Variants in AVEN observed in about 807,000 individuals in gnomAD.
AVEN encodes the protein apoptosis and caspase activation inhibitor.
AVEN carries 41 observed loss-of-function variants against 38.1 expected under a neutral mutation model. The observed-to-expected ratio is 1.08, with a 90% CI of 0.84 to 1.40. The LOEUF (loss-of-function observed/expected upper bound fraction) is 1.40, where lower values mean the gene tolerates loss of function less well. Ranked by LOEUF, AVEN falls within the 40% of genes most tolerant of loss-of-function variation. AVEN has a pLI of 0.00. For missense variants in AVEN, 605 were observed against 438.8 expected (o/e 1.38, Z -3.38); for synonymous variants, 206 against 171.8 (o/e 1.20, Z -1.56).
intron 1 of AVEN, among the ~76,000 whole-genome samples, chr15:34,029,576 G>A (rs1898672932): frequency 1.3e-5 from 2 of 149,942 alleles, no homozygotes; most frequent in Admixed American, 1.3e-4. Context: ...TTTAGGAGTT[G>A]TTTACATATT....
rs1266325296 is a variant in AVEN, at chr15:34,038,993, G to C, written c.54C>G (p.Gly18=). 2 of 1,117,870 alleles carry C rather than the reference G, an allele frequency of 1.8e-6. No homozygotes were observed. Among genetic ancestry groups the C allele is most frequent in the East Asian group, 5.8e-5 (1 of 17,368 alleles). The allele number at this position is 1,117,870 out of a possible 1,614,324, so 69.2% of individuals were successfully genotyped here. The change falls in exon 1 of 6, where the codon GGC becomes GGG. Residue 18 remains glycine, a synonymous_variant. Transcript: ENST00000306730. ...RGGRGRRPGR[G]RPGGDRHSER... ...CGCTGTGGCGATCTCCGCCAGGCCG[G>C]CCGCGGCCTGGCCGCCGCCCACGGC...
chr15:33,932,853 A>ATAAATAAATAAAT (rs1893902407), intron 2 of AVEN, among the ~76,000 whole-genome samples: 1 of 151,694 alleles, frequency 6.6e-6, no homozygotes, highest in Non-Finnish European at 1.5e-5. Flanking sequence ...AAATAAATAA[A>ATAAATAAATAAAT]TAAATAAATA....
intron 1 of AVEN, among the ~76,000 whole-genome samples, chr15:34,008,633 C>T (rs905985845): frequency 6.7e-6 from 1 of 148,532 alleles, no homozygotes; most frequent in Non-Finnish European, 1.5e-5. Flanking sequence ...GGACCACAGG[C>T]GTGTGCCACC....
At chr15:33,927,369 GAAATGA>G (rs1427952155) in intron 2 of AVEN, among the ~76,000 whole-genome samples, 1 of 152,004 alleles carries the variant, frequency 6.6e-6, no homozygotes, top group Non-Finnish European at 1.5e-5. Flanking sequence ...TTGAATCATT[GAAATGA>G]ATTAATTACC....
At chr15:33,939,542 G>A (rs528087470) in intron 2 of AVEN, among the ~76,000 whole-genome samples, 11 of 152,332 alleles carry the variant, frequency 7.2e-5, no homozygotes, top group African/African-American at 2.2e-4. Context: ...GTTGCAAAGT[G>A]CAGTGGAAAT....
chr15:34,033,046 T>C (rs1400354190), intron 1 of AVEN, among the ~76,000 whole-genome samples: 3 of 152,204 alleles, frequency 2.0e-5, no homozygotes, highest in Non-Finnish European at 4.4e-5. Context: ...TCTACCTATT[T>C]ATGTGAACAA....
rs200938895 is a variant in AVEN at position 33,866,685 on chromosome 15, A to G, written c.1017T>C (p.Pro339=). 394 of 1,614,084 alleles carry G rather than the reference A, an allele frequency of 2.4e-4. 3 individuals carry two copies. Among genetic ancestry groups the G allele is most frequent in the East Asian group, 2.2e-5 (1 of 44,888 alleles). The change falls in exon 6 of 6, where the codon CCT becomes CCC. Residue 339 remains proline (P), a synonymous_variant. Coordinates refer to ENST00000306730, the MANE Select transcript of AVEN (RefSeq NM_020371.3). Reference sequence around the variant, plus strand: ...CATTTTTGGAGGTACTTGGTTGCTCAGGTTCCATGTTTTTTTCTTCAGTCA... The same window carrying G: ...CATTTTTGGAGGTACTTGGTTGCTCGGGTTCCATGTTTTTTTCTTCAGTCA... The part of the protein sequence containing the change: ...PSVTEEKNME[P]EQPSTSKNVT...
At position 33,933,524 on chromosome 15, in the gene AVEN, C is replaced by CACACACACACACACACAG. The variant is rs1893945145; in HGVS notation, c.446-57530_446-57529insCTGTGTGTGTGTGTGTGT. On this transcript the variant is annotated intron_variant, in intron 2 of 5. Coordinates refer to ENST00000306730, the MANE Select transcript of AVEN (RefSeq NM_020371.3). Reference sequence around the variant, plus strand: ...ACACACACACACACACACACACACACAGAGAGAGAGAGAGAGAGAGAGAGA... The same window carrying CACACACACACACACACAG: ...ACACACACACACACACACACACACACACACACACACACACACAGAGAGAGAGAGAGAGAGAGAGAGAGA... 5.4e-4 allele frequency among the ~76,000 whole-genome samples: 25 copies of CACACACACACACACACAG among 46,636 alleles called. 1 individual carries two copies. The highest frequency in any genetic ancestry group is 3.4e-3 in the Admixed American group (11 of 3,192). 30.6% of individuals were successfully genotyped at this position (46,636 alleles called of 152,430 possible).
intron 5 of AVEN, among the ~76,000 whole-genome samples, chr15:34,049,309 G>A (rs587714): frequency 0.65 from 98,858 of 151,950 alleles, 33,378 homozygotes; most frequent in South Asian, 0.78. Context: ...TGAATCATGA[G>A]AAAACAATGC....
At chr15:34,073,578 C>T (rs1402003953) in intron 1 of AVEN, among the ~76,000 whole-genome samples, 149 of 137,768 alleles carry the variant, frequency 1.1e-3, no homozygotes, top group African/African-American at 4.0e-3. Context: ...TGGAGTGCAA[C>T]GGCATGATCT....
chr15:33,937,932 CAAAAAAAAAAAAAA>C (rs55887919), intron 2 of AVEN, among the ~76,000 whole-genome samples: 43,451 of 102,668 alleles, frequency 0.42, 7,452 homozygotes, highest in Middle Eastern at 0.53. Context: ...CCTACTTGAC[CAAAAAAAAAAAAAA>C]AAAAAAAAAA....
intron 2 of AVEN, among the ~76,000 whole-genome samples, chr15:33,961,807 T>C (rs370054349): frequency 0.049 from 3,618 of 73,268 alleles, 67 homozygotes; most frequent in Admixed American, 0.12. Context: ...AGTGAGACTC[T>C]GTCTCAAAAA....
chr15:33,866,691 C>CAT lies in AVEN; in HGVS notation c.1009_1010dup (p.Met337IlefsTer25). On this transcript the variant is annotated frameshift_variant, in exon 6 of 6. Transcript: ENST00000306730. LOFTEE classifies it high-confidence loss of function. ...TGGAGGTACTTGGTTGCTCAGGTTC[C>CAT]ATGTTTTTTTCTTCAGTCACAGATG... 6.2e-7 allele frequency: 1 copy of CAT among 1,613,994 alleles called. No individual in the cohort carries two copies. Among genetic ancestry groups the CAT allele is most frequent in the Non-Finnish European group, 8.5e-7 (1 of 1,179,904 alleles).
At chr15:34,039,375 A>C (rs1332777718), upstream of AVEN, among the ~76,000 whole-genome samples, 1 of 137,702 alleles carries the variant, frequency 7.3e-6, no homozygotes, top group Non-Finnish European at 1.6e-5. Context: ...TGCAAGGACG[A>C]GTCATAAAAT....
downstream of AVEN, among the ~76,000 whole-genome samples, chr15:33,863,426 C>CCTCA (rs1230609539): frequency 2.6e-5 from 4 of 151,972 alleles, no homozygotes; most frequent in Non-Finnish European, 5.9e-5. Context: ...GACTCTCCAC[C>CCTCA]CTCAGAAGGA....
chr15:34,028,154 T>G (rs1334793050), intron 1 of AVEN, among the ~76,000 whole-genome samples: 4 of 152,320 alleles, frequency 2.6e-5, no homozygotes, highest in East Asian at 1.9e-4. Context: ...TTTAAAAAAT[T>G]TTTTAATGAA....
chr15:33,903,563 G>A (rs1284198412), intron 2 of AVEN, among the ~76,000 whole-genome samples: 3 of 152,112 alleles, frequency 2.0e-5, no homozygotes, highest in African/African-American at 7.2e-5. Context: ...ACATGCTTTG[G>A]CATTACATAA....
intron 1 of AVEN, among the ~76,000 whole-genome samples, chr15:34,013,552 G>T (rs534578401): frequency 6.6e-6 from 1 of 152,256 alleles, no homozygotes; most frequent in South Asian, 2.1e-4. Context: ...AGTGTTTCCT[G>T]AGTAGTTACT....
At chr15:33,948,243 C>T (rs1337108538) in intron 2 of AVEN, among the ~76,000 whole-genome samples, 2 of 151,894 alleles carry the variant, frequency 1.3e-5, no homozygotes, top group Non-Finnish European at 2.9e-5. Context: ...ATTACAGGCA[C>T]CCGCCACCAC....
Sources: allele counts gnomAD v4.1 joint callset (sites outside exome capture counted in the v4.1 genomes callset), GRCh38; gene constraint gnomAD v4.1.1; transcripts MANE v1.5; gene names NCBI Gene and HGNC (gene_info 2026-07-23, HGNC 2026-07-21).